Variants in KCND3 observed in about 807,000 individuals in gnomAD.
The protein encoded by KCND3 is A-type voltage-gated potassium channel KCND3.
Under a neutral mutation model 51.1 loss-of-function variants are expected in KCND3, and 9 were observed. The observed-to-expected ratio is 0.18, with a 90% confidence interval of 0.11 to 0.31. The LOEUF (loss-of-function observed/expected upper bound fraction) is 0.31. Ranked by LOEUF, KCND3 falls within the 10% of genes least tolerant of loss-of-function variation. KCND3 has a pLI of 1.00. For synonymous variants in KCND3, 349 were observed against 368.0 expected (o/e 0.95, Z 0.59); for missense variants, 526 against 903.8 (o/e 0.58, Z 5.36).
chr1:111,847,459 T>G (rs972853849), intron 2 of KCND3, among the ~76,000 whole-genome samples: 3 of 152,170 alleles, frequency 2.0e-5, no homozygotes, highest in African/African-American at 7.2e-5. Flanking sequence ...CATGTTATTT[T>G]CTGGAATAAA....
intron 2 of KCND3, among the ~76,000 whole-genome samples, chr1:111,816,902 G>A (rs932857774): frequency 6.6e-6 from 1 of 152,190 alleles, no homozygotes. Context: ...GGAAGCAACT[G>A]AGCTCTGAGA....
intron 2 of KCND3, among the ~76,000 whole-genome samples, chr1:111,816,000 C>A (rs905877426): frequency 6.6e-5 from 10 of 152,176 alleles, no homozygotes; most frequent in African/African-American, 2.4e-4. Flanking sequence ...AGGGTGGGGC[C>A]AACCTGAGCG....
chr1:111,852,586 G>A (rs1339922639), intron 2 of KCND3, among the ~76,000 whole-genome samples: 2 of 152,176 alleles, frequency 1.3e-5, no homozygotes, highest in Non-Finnish European at 2.9e-5. Context: ...TCCAGACAGA[G>A]GGGAGTGCAG....
chr1:111,931,429 CCT>C (rs1671964417), intron 2 of KCND3, among the ~76,000 whole-genome samples: 2 of 152,182 alleles, frequency 1.3e-5, no homozygotes, highest in African/African-American at 4.8e-5. Context: ...TAGAGTTCCC[CCT>C]GAGAGCAGAC....
rs1674944086 is a variant in KCND3 at position 111,981,491 on chromosome 1, T to A, written c.1106+130A>T. The A allele has an allele frequency of 1.5e-6, 2 of 1,355,822 alleles. No individual in the cohort carries two copies. 84.0% of individuals were successfully genotyped at this position (1,355,822 alleles called of 1,614,324 possible). ...GCTTTACCCTTCGGATAGAGCAACT[T>A]CCCCTGCCCCCAACACTTGGGTAAG... is the stretch of plus-strand genomic sequence containing the variant. On this transcript the variant is annotated intron_variant, in intron 2 of 7. Coordinates refer to ENST00000302127, the MANE Select transcript of KCND3 (RefSeq NM_001378969.1). This position sits in a 1 kb window ranked among gnomAD's most constrained non-coding sequence, Gnocchi z 6.2.
intron 2 of KCND3, among the ~76,000 whole-genome samples, chr1:111,836,644 TCAC>T (rs1667081131): frequency 6.6e-6 from 1 of 152,152 alleles, no homozygotes; most frequent in Non-Finnish European, 1.5e-5. Context: ...GGTATTAGGA[TCAC>T]CACCATTTCC....
chr1:111,860,646 T>C (rs1018187908), intron 2 of KCND3, among the ~76,000 whole-genome samples: 1 of 152,208 alleles, frequency 6.6e-6, no homozygotes, highest in Non-Finnish European at 1.5e-5. Context: ...GAAATCATAG[T>C]GACAGTTCCA....
rs77468353 is a variant in KCND3 at position 111,929,599 on chromosome 1, A to G, written c.1106+52022T>C. ...CCTCTGAGTAAGCACCTTCTCCCAT[A>G]GTACCAGAAAGTGGAGTGAACTACT... On this transcript the variant is annotated intron_variant, in intron 2 of 7. Transcript: ENST00000302127. Among the ~76,000 whole-genome samples, 21 of 152,338 alleles carry G rather than the reference A, an allele frequency of 1.4e-4. No individual in the cohort carries two copies. In the East Asian group the frequency reaches 4.0e-3, roughly 29 times the overall value.
intron 2 of KCND3, among the ~76,000 whole-genome samples, chr1:111,880,614 G>A (rs78864702): frequency 0.011 from 1,636 of 152,258 alleles, 10 homozygotes; most frequent in Non-Finnish European, 0.015. Context: ...CGGTTTAGGA[G>A]CACAATGTCT....
At position 111,989,627 on chromosome 1, in the gene KCND3, C is replaced by G. The variant is rs1169296579; in HGVS notation, c.-195G>C. 6.7e-6 allele frequency: 1 copy of G among 148,430 alleles called. No individual in the cohort carries two copies. Among genetic ancestry groups the G allele is most frequent in the East Asian group, 1.9e-4 (1 of 5,136 alleles). The allele number at this position is 148,430 out of a possible 1,614,324, so 9.2% of individuals were successfully genotyped here. A position where few individuals can be genotyped will look rare whatever the true frequency, so the allele number is the denominator to read the frequency against. ...AGCGCGGGGAAGCGCCCAGCAGCCG[C>G]CGCTCGCGCGGCTCCTCCTCGCCAG... is the stretch of plus-strand genomic sequence containing the variant. On this transcript the variant is annotated 5_prime_UTR_variant, in exon 1 of 8. Transcript: ENST00000302127.
At chr1:111,899,909 C>T (rs1045999834) in intron 2 of KCND3, among the ~76,000 whole-genome samples, 1 of 152,198 alleles carries the variant, frequency 6.6e-6, no homozygotes, top group South Asian at 2.1e-4. Context: ...GGGAACCACA[C>T]ATCCATGCAA....
At chr1:111,797,292 C>G (rs1222191828) in intron 2 of KCND3, among the ~76,000 whole-genome samples, 3 of 152,200 alleles carry the variant, frequency 2.0e-5, no homozygotes, top group African/African-American at 7.2e-5. Flanking sequence ...CAGCTTCAGA[C>G]CAGTCATGCG....
intron 2 of KCND3, among the ~76,000 whole-genome samples, chr1:111,853,473 C>T (rs1158098740): frequency 6.6e-6 from 1 of 152,180 alleles, no homozygotes; most frequent in East Asian, 1.9e-4. Flanking sequence ...CCAACCTCCC[C>T]TCACTTCCTT....
At chr1:111,908,906 G>A (rs1041564531) in intron 2 of KCND3, among the ~76,000 whole-genome samples, 2 of 150,418 alleles carry the variant, frequency 1.3e-5, no homozygotes, top group Admixed American at 1.3e-4. Flanking sequence ...CCATCTCGGT[G>A]GCTAAGTTCT....
intron 2 of KCND3, among the ~76,000 whole-genome samples, chr1:111,959,197 C>G (rs1431083469): frequency 6.6e-6 from 1 of 152,198 alleles, no homozygotes; most frequent in African/African-American, 2.4e-5. Context: ...CGGTGGTGGA[C>G]AGCCTGGCCC....
At chr1:111,812,564 T>A (rs558272499) in intron 2 of KCND3, among the ~76,000 whole-genome samples, 1 of 152,258 alleles carries the variant, frequency 6.6e-6, no homozygotes, top group Non-Finnish European at 1.5e-5. Flanking sequence ...CTAAGCACTT[T>A]CTTCACGTGG....
At chr1:111,808,944 A>G (rs74112141) in intron 2 of KCND3, among the ~76,000 whole-genome samples, 12,419 of 152,178 alleles carry the variant, frequency 0.082, 874 homozygotes, top group African/African-American at 0.18. Flanking sequence ...GGGAGGGGAC[A>G]CCCTGAATGA....
At chr1:111,966,223 T>A (rs1304689436) in intron 2 of KCND3, among the ~76,000 whole-genome samples, 1 of 152,176 alleles carries the variant, frequency 6.6e-6, no homozygotes, top group African/African-American at 2.4e-5. Context: ...TTCAAATAAC[T>A]CAAGGTAATA....
At chr1:111,942,437 G>A (rs1287162086) in intron 2 of KCND3, among the ~76,000 whole-genome samples, 1 of 152,218 alleles carries the variant, frequency 6.6e-6, no homozygotes, top group Non-Finnish European at 1.5e-5. Context: ...GTGCAGGGGT[G>A]GTGGGATGCC....
Sources: allele counts gnomAD v4.1 joint callset (sites outside exome capture counted in the v4.1 genomes callset), GRCh38; gene constraint gnomAD v4.1.1; non-coding constraint Gnocchi (gnomAD v3.1); transcripts MANE v1.5; gene names NCBI Gene and HGNC (gene_info 2026-07-23, HGNC 2026-07-21).